IKBKB: variants seen among roughly 807,000 people sequenced by gnomAD.
The protein encoded by IKBKB is inhibitor of nuclear factor kappa B kinase subunit beta, also known as inhibitor of nuclear factor kappa-B kinase subunit beta.
A neutral mutation model predicts 113.6 loss-of-function variants in IKBKB; 42 were observed. That is an observed-to-expected ratio of 0.37 (90% CI 0.29 to 0.48). The LOEUF is 0.48. Ranked by LOEUF, IKBKB falls within the 20% of genes least tolerant of loss-of-function variation. The pLI, the probability that IKBKB is intolerant of heterozygous loss-of-function variation, is 0.99. For missense variants in IKBKB, 673 were observed against 939.7 expected, an observed-to-expected ratio of 0.72 and a Z score of 3.71; for synonymous variants, 296 against 361.3, an observed-to-expected ratio of 0.82 and a Z score of 2.05.
intron 6 of IKBKB, among the ~76,000 whole-genome samples, chr8:42,306,110 G>A (rs1439602476): frequency 6.6e-6 from 1 of 152,228 alleles, no homozygotes; most frequent in Admixed American, 6.5e-5. Context: ...ATGATGCGTG[G>A]CAGAGTGTGG....
chr8:42,299,274 G>A (rs1444745757), intron 5 of IKBKB, among the ~76,000 whole-genome samples: 1 of 152,088 alleles, frequency 6.6e-6, no homozygotes, highest in African/African-American at 2.4e-5. Flanking sequence ...GCTGCAGACC[G>A]CTGCTTCTGC....
At chr8:42,277,394 G>T (rs1809400676) in intron 2 of IKBKB, among the ~76,000 whole-genome samples, 1 of 151,796 alleles carries the variant, frequency 6.6e-6, no homozygotes, top group Non-Finnish European at 1.5e-5. Context: ...TGCTGGCCAG[G>T]CTGTTCTCAA....
At chr8:42,320,527 T>C (rs1195634365) in intron 15 of IKBKB, 5 of 502,518 alleles carry the variant, frequency 9.9e-6, no homozygotes, top group African/African-American at 2.0e-5. Context: ...TGGGGGTAAG[T>C]AACTTGCCAA....
At position 42,305,288 on chromosome 8, in the gene IKBKB, C is replaced by T; in HGVS notation, c.477+13C>T. 1 of 1,577,442 alleles carries T rather than the reference C, an allele frequency of 6.3e-7. No homozygotes were observed. Reference sequence around the variant, plus strand: ...AGGAGAACAGAGGGTAAGTGACCTCCTGGGACTGGGAAAGCCTCAGGTGGG... The same window carrying T: ...AGGAGAACAGAGGGTAAGTGACCTCTTGGGACTGGGAAAGCCTCAGGTGGG... On this transcript the variant is annotated intron_variant, in intron 6 of 21. Coordinates refer to ENST00000520810, the MANE Select transcript of IKBKB (RefSeq NM_001556.3).
Position 42,303,043 on chromosome 8 carries a change from C to T in IKBKB, c.389-2144C>T, listed in dbSNP as rs555239148. 5.3e-5 allele frequency among the ~76,000 whole-genome samples: 8 copies of T among 150,388 alleles called. No individual in the cohort carries two copies. In the South Asian group the frequency reaches 1.1e-3, roughly 20 times the overall value. On this transcript the variant is annotated intron_variant, in intron 5 of 21. Transcript: ENST00000520810. Reference sequence around the variant, plus strand: ...GCCTGGGCCTCAGGGGTCTTCCCCTCCCCGGCTTGCCGAGAGGGAGAGAGA... The same window carrying T: ...GCCTGGGCCTCAGGGGTCTTCCCCTTCCCGGCTTGCCGAGAGGGAGAGAGA...
At chr8:42,287,217 G>T (rs1187786322) in intron 2 of IKBKB, among the ~76,000 whole-genome samples, 3 of 152,256 alleles carry the variant, frequency 2.0e-5, no homozygotes. Flanking sequence ...CCAGGGAGAA[G>T]AGGGGAGGCC....
At chr8:42,307,193 G>A (rs1816704015) in intron 7 of IKBKB, among the ~76,000 whole-genome samples, 1 of 152,146 alleles carries the variant, frequency 6.6e-6, no homozygotes, top group Non-Finnish European at 1.5e-5. Context: ...AGGTGAAAAG[G>A]GCTGGAGGTG....
intron 5 of IKBKB, among the ~76,000 whole-genome samples, chr8:42,296,267 C>T (rs10091064): frequency 0.21 from 32,285 of 151,616 alleles, 7,963 homozygotes; most frequent in African/African-American, 0.6. Context: ...GAGGCGGAAG[C>T]GGACGGATCA....
At chr8:42,323,360 G>A (rs1392120994) in intron 19 of IKBKB, among the ~76,000 whole-genome samples, 1 of 152,224 alleles carries the variant, frequency 6.6e-6, no homozygotes, top group Non-Finnish European at 1.5e-5. Flanking sequence ...CACGCTTTCT[G>A]TGCACACCGT....
At chr8:42,320,516 C>T (rs750638982) in intron 15 of IKBKB, 76 of 493,510 alleles carry the variant, frequency 1.5e-4, no homozygotes, top group Non-Finnish European at 2.1e-4. Flanking sequence ...GAAACTGTAG[C>T]TGGGGGTAAG....
chr8:42,275,355 T>C (rs1251385862), intron 2 of IKBKB, among the ~76,000 whole-genome samples: 6 of 151,928 alleles, frequency 3.9e-5, no homozygotes, highest in Non-Finnish European at 5.9e-5. Flanking sequence ...GCCCGGCTAA[T>C]TTTTGATTTT....
intron 15 of IKBKB, 106 bp from the exon 16 acceptor site, chr8:42,320,629 G>C: frequency 2.3e-6 from 2 of 880,832 alleles, no homozygotes; most frequent in Non-Finnish European, 3.8e-6. Context: ...GTCCATTGAG[G>C]GTCCTCAGGG....
chr8:42,318,773 C>T, intron 13 of IKBKB, 98 bp downstream of exon 13: 8 of 1,166,452 alleles, frequency 6.9e-6, no homozygotes, highest in Middle Eastern at 2.9e-4. Context: ...CAGAAGCAAC[C>T]GTTATGAGCA....
intron 7 of IKBKB, 85 bp downstream of exon 7, chr8:42,306,517 A>G (rs778052717): frequency 1.2e-4 from 106 of 864,616 alleles, no homozygotes; most frequent in Non-Finnish European, 1.9e-4. Context: ...TGCTCCCAGC[A>G]CCTGAGTCCC....
chr8:42,298,995 C>G (rs549367102), intron 5 of IKBKB, among the ~76,000 whole-genome samples: 177 of 152,216 alleles, frequency 1.2e-3, no homozygotes, highest in African/African-American at 4.0e-3. Context: ...CCTGGCCGTT[C>G]TTGTGGCCTG....
At position 42,298,472 on chromosome 8, in the gene IKBKB, C is replaced by G. The variant is rs1040523912; in HGVS notation, c.388+4960C>G. ...TGGCTTTGGGGAAGAGAGCTCCATT[C>G]CAGGAACTGCACATCAGGTGCACTG... On this transcript the variant is annotated intron_variant, in intron 5 of 21. Transcript: ENST00000520810. 9.1e-6 allele frequency: 9 copies of G among 985,294 alleles called. No individual in the cohort carries two copies. In the African/African-American group the frequency reaches 1.6e-4, roughly 17 times the overall value. The allele number at this position is 985,294 out of a possible 1,614,324, so 61.0% of individuals were successfully genotyped here.
At chr8:42,318,910 G>A in intron 13 of IKBKB, 1 of 534,332 alleles carries the variant, frequency 1.9e-6, no homozygotes, top group African/African-American at 1.9e-5. Context: ...CTGAAGCTGG[G>A]CTGGCCAAGC....
At chr8:42,311,177 A>T (rs1817624518) in intron 8 of IKBKB, among the ~76,000 whole-genome samples, 1 of 152,230 alleles carries the variant, frequency 6.6e-6, no homozygotes, top group Non-Finnish European at 1.5e-5. Context: ...ATCCTTGCCA[A>T]CACTGGCTAT....
chr8:42,272,420 G>C (rs1807975983), intron 2 of IKBKB: 1 of 614,688 alleles, frequency 1.6e-6, no homozygotes, highest in Non-Finnish European at 2.9e-6. Flanking sequence ...TAAATAAATA[G>C]TAAAATAAAG....
Sources: allele counts gnomAD v4.1 joint callset (sites outside exome capture counted in the v4.1 genomes callset), GRCh38; gene constraint gnomAD v4.1.1; transcripts MANE v1.5; gene names NCBI Gene and HGNC (gene_info 2026-07-23, HGNC 2026-07-21).